Variants in GALNT14 observed in about 807,000 individuals in gnomAD.
GALNT14 encodes the protein polypeptide N-acetylgalactosaminyltransferase 14.
Under a neutral mutation model 77.5 loss-of-function variants are expected in GALNT14, and 60 were observed. The observed-to-expected ratio is 0.77, with a 90% CI of 0.63 to 0.96. The LOEUF is 0.96. Among genes scored for constraint, GALNT14 ranks in the 40% least tolerant of loss-of-function variants. The pLI is 0.00. For missense variants in GALNT14, 710 were observed against 731.0 expected (o/e 0.97, Z 0.33); for synonymous variants, 280 against 281.7 (o/e 0.99, Z 0.06).
chr2:31,049,550 T>C (rs2148516053), intron 1 of GALNT14, among the ~76,000 whole-genome samples: 1 of 152,290 alleles, frequency 6.6e-6, no homozygotes, highest in Non-Finnish European at 1.5e-5. Flanking sequence ...TCATGGAGAA[T>C]CCCAAGACTC....
chr2:31,060,634 C>T lies in GALNT14; in HGVS notation c.130-67627G>A, dbSNP rs4592897. On this transcript the variant is annotated intron_variant, in intron 1 of 14. Coordinates refer to ENST00000349752, the MANE Select transcript of GALNT14 (RefSeq NM_024572.4). ...CCAGTCTAGCTGCACCTTTAATCGGCTAGCGGCTGTCAACATGACACCAGG... is the reference window on the plus strand; with the variant it reads ...CCAGTCTAGCTGCACCTTTAATCGGTTAGCGGCTGTCAACATGACACCAGG... Among the ~76,000 whole-genome samples, 139 of 152,352 alleles carry T rather than the reference C, an allele frequency of 9.1e-4. 1 individual carries two copies. The highest frequency in any genetic ancestry group is 1.6e-3 in the Non-Finnish European group (110 of 68,030).
At chr2:30,988,219 T>A (rs568626973) in intron 2 of GALNT14, among the ~76,000 whole-genome samples, 1 of 152,322 alleles carries the variant, frequency 6.6e-6, no homozygotes, top group East Asian at 1.9e-4. Flanking sequence ...CTGTAGGAGA[T>A]GCTCAACATG....
At position 30,958,997 on chromosome 2, in the gene GALNT14, C is replaced by T. The variant is rs149189130; in HGVS notation, c.399-533G>A. Among the ~76,000 whole-genome samples, 71 of 152,310 alleles carry T rather than the reference C, an allele frequency of 4.7e-4. 2 individuals are homozygous for T. In the East Asian group the frequency reaches 0.013, roughly 28 times the overall value. On this transcript the variant is annotated intron_variant, in intron 3 of 14. Transcript: ENST00000349752. The stretch of plus-strand genomic sequence containing the variant: ...CTATTGACATCCCAAATCCTCAGCA[C>T]ATTCCTAAGGCCTTTGCCATCAGAA...
chr2:31,129,544 T>A, intron 1 of GALNT14: 4 of 985,388 alleles, frequency 4.1e-6, no homozygotes, highest in Non-Finnish European at 4.8e-6. Flanking sequence ...CCTTAATTAA[T>A]CCACAGACCA....
At chr2:30,987,948 C>T (rs552919800) in intron 2 of GALNT14, among the ~76,000 whole-genome samples, 55 of 152,296 alleles carry the variant, frequency 3.6e-4, no homozygotes, top group African/African-American at 1.3e-3. Context: ...CTCCCACATG[C>T]GGTTTCTTCA....
Position 31,052,013 on chromosome 2 carries a change from G to A in GALNT14, c.130-59006C>T, listed in dbSNP as rs1015389284. ...CTGGGCTGACAGCATTTCCTCAGTGGTGACCAAAATGTGCCACCTGCCAAG... is the reference window on the plus strand; with the variant it reads ...CTGGGCTGACAGCATTTCCTCAGTGATGACCAAAATGTGCCACCTGCCAAG... On this transcript the variant is annotated intron_variant, in intron 1 of 14. Transcript: ENST00000349752. Among the ~76,000 whole-genome samples, 5 of 152,084 alleles carry A rather than the reference G, an allele frequency of 3.3e-5. No homozygotes were observed. The East Asian group carries it at 9.6e-4, about 29-fold the overall frequency.
chr2:30,932,115 C>T lies in GALNT14; in HGVS notation c.1011G>A (p.Lys337=), dbSNP rs1665769926. Residue 337 remains lysine, a synonymous_variant, in exon 10 of 15, where the codon AAG becomes AAA. Coordinates refer to ENST00000349752, the MANE Select transcript of GALNT14 (RefSeq NM_024572.4). ...PCSRVGHVFR[K]KHPYVFPDGN... ...CATCAGGGAAAACGTAGGGGTGCTT[C>T]TTCCGGAAGACGTGCCCCACTCGGC... 18 of 1,577,810 alleles carry T rather than the reference C, an allele frequency of 1.1e-5. No homozygotes were observed. The highest frequency in any genetic ancestry group is 1.5e-5 in the Non-Finnish European group (17 of 1,161,448).
rs534249682 is a variant in GALNT14 at position 31,066,426 on chromosome 2, G to A, written c.129+71532C>T. Among the ~76,000 whole-genome samples the A allele has an allele frequency of 5.9e-5, 9 of 151,472 alleles. No individual in the cohort carries two copies. The South Asian group carries it at 1.7e-3, about 28-fold the overall frequency. ...GGGTGCGGGGGCGGGGGGCGGGGGG[G>A]TGGTGTCCAGCCATCTTTAAGGGTC... On this transcript the variant is annotated intron_variant, in intron 1 of 14. Transcript: ENST00000349752.
At chr2:30,994,966 G>C (rs1012846599) in intron 1 of GALNT14, among the ~76,000 whole-genome samples, 6 of 152,094 alleles carry the variant, frequency 3.9e-5, no homozygotes, top group African/African-American at 1.4e-4. Context: ...GAGGGGAACT[G>C]GGGACAGCTT....
intron 1 of GALNT14, among the ~76,000 whole-genome samples, chr2:31,084,672 C>T (rs1442818644): frequency 6.6e-6 from 1 of 152,170 alleles, no homozygotes; most frequent in Non-Finnish European, 1.5e-5. Flanking sequence ...ATTTAACCTC[C>T]CTGAACCTCA....
In GALNT14 at chr2:30,978,369, C is replaced by A. The variant is rs1668767363; in HGVS notation, c.300-12067G>T. Among the ~76,000 whole-genome samples the A allele has an allele frequency of 1.3e-5, 2 of 152,198 alleles. 1 individual carries two copies. The highest frequency in any genetic ancestry group is 4.1e-4 in the South Asian group (2 of 4,822). On this transcript the variant is annotated intron_variant, in intron 2 of 14. Coordinates refer to ENST00000349752, the MANE Select transcript of GALNT14 (RefSeq NM_024572.4). ...ACTACTGCCTTCTTGCAGGCAGGGG[C>A]CACGTTTCTACTTCTTTAAATTCCT...
chr2:31,128,276 G>A (rs574396433), intron 1 of GALNT14, among the ~76,000 whole-genome samples: 5 of 152,100 alleles, frequency 3.3e-5, no homozygotes, highest in South Asian at 2.1e-4. Flanking sequence ...CAGTTTTCAA[G>A]GCTAACCAGC....
At chr2:31,035,578 T>TGTGTGTGTGTGC (rs1672672017) in intron 1 of GALNT14, among the ~76,000 whole-genome samples, 1 of 142,766 alleles carries the variant, frequency 7.0e-6, no homozygotes, top group Non-Finnish European at 1.5e-5. Flanking sequence ...TATGTGTGTG[T>TGTGTGTGTGTGC]GTGTGTGTAT....
At chr2:30,898,678 T>C in the GALNT14 span, among the ~76,000 whole-genome samples, 1 of 152,108 alleles carries the variant, frequency 6.6e-6, no homozygotes, top group South Asian at 2.1e-4. Flanking sequence ...TCAATCAAAG[T>C]GAAAGATAAG....
chr2:30,945,269 C>T (rs184376554), intron 7 of GALNT14, among the ~76,000 whole-genome samples: 6 of 152,342 alleles, frequency 3.9e-5, no homozygotes, highest in African/African-American at 1.2e-4. Context: ...GGCCTTGGCA[C>T]TGAGTCTCAG....
downstream of GALNT14, among the ~76,000 whole-genome samples, chr2:30,906,756 A>AT (rs1184893638): frequency 6.6e-6 from 1 of 152,094 alleles, no homozygotes; most frequent in Non-Finnish European, 1.5e-5. Context: ...CAGAATATAC[A>AT]TTTTTTTCAG....
chr2:31,094,970 G>A (rs1213542327), intron 1 of GALNT14, among the ~76,000 whole-genome samples: 6 of 152,178 alleles, frequency 3.9e-5, no homozygotes, highest in Non-Finnish European at 5.9e-5. Context: ...AAATCAGGAA[G>A]AGGCTAGGAG....
At chr2:31,017,446 A>G (rs771904397) in intron 1 of GALNT14, among the ~76,000 whole-genome samples, 2 of 152,254 alleles carry the variant, frequency 1.3e-5, no homozygotes, top group Non-Finnish European at 2.9e-5. Flanking sequence ...TTTTATAAAT[A>G]TTTAAATTTC....
intron 1 of GALNT14, among the ~76,000 whole-genome samples, chr2:31,043,596 T>C (rs1211428281): frequency 6.6e-6 from 1 of 151,972 alleles, no homozygotes; most frequent in African/African-American, 2.4e-5. Flanking sequence ...GCTGTGGGGC[T>C]CCAGACAAGA....
Sources: gnomAD v4.1 joint callset for allele counts (sites outside exome capture counted in the v4.1 genomes callset) on GRCh38, gnomAD v4.1.1 for gene constraint, MANE v1.5 for transcripts, NCBI Gene and HGNC (gene_info 2026-07-23, HGNC 2026-07-21) for gene names.